LRRTM1: variants seen among roughly 807,000 people sequenced by gnomAD.
LRRTM1 encodes leucine rich repeat transmembrane neuronal 1.
A neutral mutation model predicts 37.3 loss-of-function variants in LRRTM1; 8 were observed. That is an observed-to-expected ratio of 0.21 (90% CI 0.13 to 0.39). The LOEUF (loss-of-function observed/expected upper bound fraction) is 0.39. Ranked by LOEUF, LRRTM1 falls within the 10% of genes least tolerant of loss-of-function variation. LRRTM1 has a pLI of 1.00. For missense variants in LRRTM1, 557 were observed against 691.0 expected, an observed-to-expected ratio of 0.81 and a Z score of 2.17; for synonymous variants, 326 against 316.8, an observed-to-expected ratio of 1.03 and a Z score of -0.31.
intron 2 of LRRTM1, among the ~76,000 whole-genome samples, chr2:80,296,108 C>T (rs1675717150): frequency 6.6e-6 from 1 of 151,940 alleles, no homozygotes; most frequent in Non-Finnish European, 1.5e-5. Flanking sequence ...TTATGGGGTA[C>T]ATGAGATATT....
At chr2:80,300,477 G>A (rs963658826), downstream of LRRTM1, among the ~76,000 whole-genome samples, 1 of 152,004 alleles carries the variant, frequency 6.6e-6, no homozygotes, top group Non-Finnish European at 1.5e-5. Context: ...TTAGCTTAAG[G>A]AAACCTTCTG....
chr2:80,295,422 T>A lies in LRRTM1; in HGVS notation c.*307-6227A>T, dbSNP rs898209572. The stretch of plus-strand genomic sequence containing the variant: ...CTGTTTTCCAGCATGTCCACCTACC[T>A]CTCTGAAGCCCCTGACTCTCAGTGA... On this transcript the variant is annotated intron_variant and NMD_transcript_variant, in intron 2 of 2. Transcript: ENST00000417012. Among the ~76,000 whole-genome samples the A allele has an allele frequency of 5.3e-4, 80 of 152,198 alleles. 1 individual carries two copies. The highest frequency in any genetic ancestry group is 2.2e-3 in the Admixed American group (33 of 15,280).
downstream of LRRTM1, among the ~76,000 whole-genome samples, chr2:80,301,141 C>A (rs1377706720): frequency 6.6e-6 from 1 of 152,168 alleles, no homozygotes; most frequent in South Asian, 2.1e-4. Flanking sequence ...TGCTACAAGT[C>A]ATTACCCTGC....
chr2:80,298,214 G>C (rs1222390884), downstream of LRRTM1: 1 of 151,932 alleles, frequency 6.6e-6, no homozygotes, highest in East Asian at 1.9e-4. Flanking sequence ...ATATATTTCA[G>C]AAGCACATTT....
intron 2 of LRRTM1, among the ~76,000 whole-genome samples, chr2:80,292,679 C>T: frequency 6.6e-6 from 1 of 152,184 alleles, no homozygotes; most frequent in South Asian, 2.1e-4. Flanking sequence ...GCATAGTCCT[C>T]TTGAGAATGC....
chr2:80,301,180 C>T (rs1676272916), downstream of LRRTM1, among the ~76,000 whole-genome samples: 1 of 152,162 alleles, frequency 6.6e-6, no homozygotes, highest in Admixed American at 6.5e-5. Flanking sequence ...AGGTTTTTCT[C>T]CTCATTCCCC....
chr2:80,289,398 C>G (rs943113590), intron 2 of LRRTM1, among the ~76,000 whole-genome samples: 11 of 152,128 alleles, frequency 7.2e-5, no homozygotes, highest in African/African-American at 2.7e-4. Flanking sequence ...AATCTCTACC[C>G]CAGTTCTCGC....
chr2:80,294,306 A>G (rs1675532721), intron 2 of LRRTM1, among the ~76,000 whole-genome samples: 1 of 152,134 alleles, frequency 6.6e-6, no homozygotes, highest in South Asian at 2.1e-4. Flanking sequence ...GCGCTTTGTA[A>G]ACTAGAGTGC....
At chr2:80,297,484 T>A (rs911593003), downstream of LRRTM1, among the ~76,000 whole-genome samples, 1 of 152,180 alleles carries the variant, frequency 6.6e-6, no homozygotes, top group Non-Finnish European at 1.5e-5. Context: ...CCATCTCATT[T>A]ATATCTTTGT....
rs1676414477 is a variant in LRRTM1, at chr2:80,302,431, G to A, written c.1389C>T (p.Cys463=). The A allele has an allele frequency of 1.2e-6, 2 of 1,614,236 alleles. No homozygotes were observed. The highest frequency in any genetic ancestry group is 1.7e-6 in the Non-Finnish European group (2 of 1,180,044). The change falls in exon 2 of 2, where the codon TGC becomes TGT. Residue 463 remains cysteine, a synonymous_variant. Coordinates refer to ENST00000295057, the MANE Select transcript of LRRTM1 (RefSeq NM_178839.5). The surrounding 1 kb of genome is among the most constrained non-coding windows in gnomAD (Gnocchi z 6.4). Reference sequence around the variant, plus strand: ...TTTGCTTCCTGCGCTGCGTGACAAAGCACTGTCTGAGCTGCCTGAGGCTGG... The same window carrying A: ...TTTGCTTCCTGCGCTGCGTGACAAAACACTGTCTGAGCTGCCTGAGGCTGG... The part of the protein sequence containing the change: ...FPASLRQLRQ[C]FVTQRRKQKQ...
At chr2:80,294,794 A>G (rs1675597778) in intron 2 of LRRTM1, among the ~76,000 whole-genome samples, 1 of 152,170 alleles carries the variant, frequency 6.6e-6, no homozygotes, top group Non-Finnish European at 1.5e-5. Flanking sequence ...GCACTCTGCT[A>G]GCTGAGCAAT....
At chr2:80,289,552 C>A (rs1016524986) in intron 2 of LRRTM1, among the ~76,000 whole-genome samples, 1 of 152,176 alleles carries the variant, frequency 6.6e-6, no homozygotes, top group African/African-American at 2.4e-5. Context: ...ATAAACATAA[C>A]ATGTCACTCT....
chr2:80,303,298 C>G lies in LRRTM1; in HGVS notation c.522G>C (p.Gln174His). Residue 174 changes from glutamine to histidine, a missense_variant, in exon 2 of 2, where the codon CAG (glutamine) becomes CAC (histidine). By Grantham distance (24) the Gln-to-His change is conservative. Coordinates refer to ENST00000295057, the MANE Select transcript of LRRTM1 (RefSeq NM_178839.5). This position sits in a 1 kb window ranked among gnomAD's most constrained non-coding sequence, Gnocchi z 7.7. Reference sequence around the variant, plus strand: ...CCTGGAAGATGCGCACGGGCACAAACTGGATGGCGTTGGCCCGCATATGCA... The same window carrying G: ...CCTGGAAGATGCGCACGGGCACAAAGTGGATGGCGTTGGCCCGCATATGCA... ...TTLHMRANAI[Q>H]FVPVRIFQDC... 6.2e-7 allele frequency: 1 copy of G among 1,613,688 alleles called. No individual in the cohort carries two copies. Among genetic ancestry groups the G allele is most frequent in the African/African-American group, 1.3e-5 (1 of 75,050 alleles).
At chr2:80,298,730 A>G (rs1275299642), downstream of LRRTM1, 1 of 152,216 alleles carries the variant, frequency 6.6e-6, no homozygotes, top group Non-Finnish European at 1.5e-5. Context: ...TGAGTTCAGA[A>G]GAATATTTTT....
chr2:80,294,353 T>A (rs1356840897), intron 2 of LRRTM1, among the ~76,000 whole-genome samples: 1 of 152,154 alleles, frequency 6.6e-6, no homozygotes, highest in African/African-American at 2.4e-5. Context: ...TGCTTGCACG[T>A]CTTTCTTCTA....
intron 2 of LRRTM1, among the ~76,000 whole-genome samples, chr2:80,295,536 T>A (rs910091725): frequency 2.0e-5 from 3 of 152,224 alleles, no homozygotes; most frequent in African/African-American, 7.2e-5. Flanking sequence ...AGGGGAATTT[T>A]AATTTTCTGG....
chr2:80,290,251 C>A (rs900438755), intron 2 of LRRTM1, among the ~76,000 whole-genome samples: 1 of 152,088 alleles, frequency 6.6e-6, no homozygotes, highest in Non-Finnish European at 1.5e-5. Flanking sequence ...CATCATGAGG[C>A]CTCCAAATAA....
At chr2:80,295,185 C>T (rs1290097904) in intron 2 of LRRTM1, among the ~76,000 whole-genome samples, 1 of 151,868 alleles carries the variant, frequency 6.6e-6, no homozygotes, top group East Asian at 1.9e-4. Flanking sequence ...CCATTGTGGC[C>T]ACTTACAATG....
downstream of LRRTM1, chr2:80,299,023 T>C (rs1676007639): frequency 6.6e-6 from 1 of 152,108 alleles, no homozygotes; most frequent in African/African-American, 2.4e-5. Flanking sequence ...ATATAAATAT[T>C]CGAAAAACCT....
Sources: allele counts gnomAD v4.1 joint callset (sites outside exome capture counted in the v4.1 genomes callset), GRCh38; gene constraint gnomAD v4.1.1; non-coding constraint Gnocchi (gnomAD v3.1); transcripts MANE v1.5; gene names NCBI Gene and HGNC (gene_info 2026-07-23, HGNC 2026-07-21).